The following CCNF variants were observed in gnomAD, a reference collection of about 807,000 sequenced individuals.
CCNF encodes cyclin-F.
CCNF carries 30 observed loss-of-function variants against 85.4 expected under a neutral mutation model. The observed-to-expected ratio is 0.35, with a 90% CI of 0.26 to 0.48. CCNF has a LOEUF of 0.48. CCNF is among the 20% of genes least tolerant of loss of function. CCNF has a pLI of 0.99. For synonymous variants in CCNF, 439 were observed against 425.1 expected, an observed-to-expected ratio of 1.03 and a Z score of -0.40; for missense variants, 919 against 1,010.4, an observed-to-expected ratio of 0.91 and a Z score of 1.23.
At chr16:2,435,583 TCA>T (rs1250864458) in intron 3 of CCNF, among the ~76,000 whole-genome samples, 3 of 77,166 alleles carry the variant, frequency 3.9e-5, no homozygotes, top group African/African-American at 8.3e-5. Flanking sequence ...AGACCCTGTC[TCA>T]GAGAGAGAGA....
intron 1 of CCNF, among the ~76,000 whole-genome samples, chr16:2,430,410 C>T (rs2065256634): frequency 6.6e-6 from 1 of 152,110 alleles, no homozygotes; most frequent in Admixed American, 6.5e-5. Flanking sequence ...GGAGAGAGCA[C>T]ATCTGAGAAG....
rs371188956 is a variant in CCNF, at chr16:2,437,334, C to T, written c.540+12C>T. 1.1e-4 allele frequency: 165 copies of T among 1,564,752 alleles called. No homozygotes were observed. The highest frequency in any genetic ancestry group is 1.3e-4 in the Non-Finnish European group (148 of 1,154,884). On this transcript the variant is annotated intron_variant, in intron 5 of 16. Transcript: ENST00000397066. ...GCCAGCTGCAGAGGGTGAGTCTGGG[C>T]GAGGGGCAGCACCTGCGAGGCCACC... is the stretch of plus-strand genomic sequence containing the variant.
At position 2,451,738 on chromosome 16, in the gene CCNF, C is replaced by T. The variant is rs960631151; in HGVS notation, c.1488-1472C>T. On this transcript the variant is annotated intron_variant, in intron 13 of 16. Transcript: ENST00000397066. The surrounding 1 kb of genome is among the most constrained non-coding windows in gnomAD (Gnocchi z 4.3). ...GGGTGCTTTTCTCCAGCCAGCATTACGCTGACCCTCCCTCCCTCGGGGGCT... is the reference window on the plus strand; with the variant it reads ...GGGTGCTTTTCTCCAGCCAGCATTATGCTGACCCTCCCTCCCTCGGGGGCT... Among the ~76,000 whole-genome samples, 4 of 152,196 alleles carry T rather than the reference C, an allele frequency of 2.6e-5. No individual in the cohort carries two copies. The highest frequency in any genetic ancestry group is 4.1e-4 in the South Asian group (2 of 4,836).
intron 1 of CCNF, 150 bp downstream of exon 1, chr16:2,429,647 G>A (rs1042819840): frequency 4.6e-6 from 4 of 861,406 alleles, no homozygotes; most frequent in Non-Finnish European, 6.1e-6. Flanking sequence ...GTCGCGTCCC[G>A]CGCAGGGAGC....
intron 3 of CCNF, among the ~76,000 whole-genome samples, chr16:2,435,277 A>G (rs2065282993): frequency 6.6e-6 from 1 of 150,606 alleles, no homozygotes; most frequent in Non-Finnish European, 1.5e-5. Flanking sequence ...GAAAAGAAAA[A>G]AAAAAAGAAA....
intron 12 of CCNF, 88 bp downstream of exon 12, chr16:2,449,550 C>T (rs866525549): frequency 1.5e-6 from 2 of 1,333,390 alleles, no homozygotes; most frequent in Middle Eastern, 2.6e-4. Flanking sequence ...GTCCAGCATC[C>T]ATTTGTCCTG....
intron 7 of CCNF, 67 bp from the exon 8 acceptor site, chr16:2,439,682 T>C: frequency 2.2e-6 from 3 of 1,361,062 alleles, no homozygotes; most frequent in Non-Finnish European, 2.1e-6. Context: ...TCGGCCCTTC[T>C]GGGTCTTGGT....
chr16:2,450,520 A>G (rs912411430), intron 13 of CCNF, among the ~76,000 whole-genome samples: 4 of 151,986 alleles, frequency 2.6e-5, no homozygotes, highest in African/African-American at 9.7e-5. Flanking sequence ...AAAAAAAAAA[A>G]AAAAAGTTCC....
chr16:2,441,979 A>ATGTT (rs1555497473), intron 8 of CCNF, among the ~76,000 whole-genome samples: 18 of 97,764 alleles, frequency 1.8e-4, no homozygotes, highest in Non-Finnish European at 2.1e-5. Flanking sequence ...ATATATATAT[A>ATGTT]TATGTTTTTG....
chr16:2,448,125 T>C (rs1237071483), intron 10 of CCNF, among the ~76,000 whole-genome samples: 3 of 152,218 alleles, frequency 2.0e-5, no homozygotes, highest in Non-Finnish European at 4.4e-5. Context: ...GGCCACACAG[T>C]GCCGGGCACA....
chr16:2,453,619 A>T lies in CCNF; in HGVS notation c.1715+82A>T. ...CAGTTCCCTCAGCGCTTCCTCACAC[A>T]GAGAGGCCCCCAAGGCTTGTCAGGG... is the stretch of plus-strand genomic sequence containing the variant. On this transcript the variant is annotated intron_variant, in intron 15 of 16. Coordinates refer to ENST00000397066, the MANE Select transcript of CCNF (RefSeq NM_001761.3). The surrounding 1 kb of genome is among the most constrained non-coding windows in gnomAD (Gnocchi z 5.6). The T allele has an allele frequency of 6.4e-7, 1 of 1,557,446 alleles. No individual in the cohort carries two copies. The highest frequency in any genetic ancestry group is 8.8e-7 in the Non-Finnish European group (1 of 1,139,508).
At chr16:2,447,942 T>C (rs892900406) in intron 10 of CCNF, among the ~76,000 whole-genome samples, 6 of 152,190 alleles carry the variant, frequency 3.9e-5, no homozygotes, top group Non-Finnish European at 5.9e-5. Context: ...GTCAAGTGAA[T>C]GACGCATGCA....
chr16:2,443,158 A>G (rs59027174), intron 8 of CCNF, among the ~76,000 whole-genome samples: 100,959 of 133,164 alleles, frequency 0.76, 39,156 homozygotes, highest in African/African-American at 0.92. Context: ...TATAATATAT[A>G]TTATATATAA....
Position 2,456,669 on chromosome 16 carries a change from A to C in CCNF, c.2010A>C (p.Ala670=). 1 of 1,613,542 alleles carries C rather than the reference A, an allele frequency of 6.2e-7. No homozygotes were observed. Among genetic ancestry groups the C allele is most frequent in the Non-Finnish European group, 8.5e-7 (1 of 1,179,898 alleles). ...PEDKGPQDPQ[A]LALDTQIPAT... is the part of the protein sequence containing the mutation. ...ACAAGGGACCCCAGGACCCACAGGC[A>C]CTGGCGCTGGACACCCAGATCCCTG... is the stretch of plus-strand genomic sequence containing the variant. Residue 670 remains alanine, a synonymous_variant, in exon 17 of 17, where the codon GCA becomes GCC. Transcript: ENST00000397066. This position sits in a 1 kb window ranked among gnomAD's most constrained non-coding sequence, Gnocchi z 4.5.
chr16:2,437,419 G>T lies in CCNF; in HGVS notation c.540+97G>T, dbSNP rs28550541. On this transcript the variant is annotated intron_variant, in intron 5 of 16. Coordinates refer to ENST00000397066, the MANE Select transcript of CCNF (RefSeq NM_001761.3). ...TAGATCCTGGACCCTGGAAAGTCAG[G>T]AGCCTAAGGGAAGTGAAGATGCAGA... 612,243 of 887,394 alleles carry T rather than the reference G, an allele frequency of 0.69. 212,516 individuals carry two copies. The highest frequency in any genetic ancestry group is 0.85 in the East Asian group (30,481 of 35,972). The allele number at this position is 887,394 out of a possible 1,614,324, so 55.0% of individuals were successfully genotyped here.
rs964415719 is a variant in CCNF at position 2,451,240 on chromosome 16, G to A, written c.1487+1325G>A. On this transcript the variant is annotated intron_variant, in intron 13 of 16. Coordinates refer to ENST00000397066, the MANE Select transcript of CCNF (RefSeq NM_001761.3). This position sits in a 1 kb window ranked among gnomAD's most constrained non-coding sequence, Gnocchi z 4.3. ...CAGGCAGGCGCGCGGGGCAGGTGGC[G>A]CGGGCGGGGGCGACTCCCTTCAGGG... Among the ~76,000 whole-genome samples the A allele has an allele frequency of 3.9e-5, 6 of 152,342 alleles. No homozygotes were observed. Among genetic ancestry groups the A allele is most frequent in the Non-Finnish European group, 7.3e-5 (5 of 68,038 alleles).
At chr16:2,449,053 T>C in intron 11 of CCNF, 75 bp downstream of exon 11, 1 of 1,522,360 alleles carries the variant, frequency 6.6e-7, no homozygotes, top group Non-Finnish European at 9.1e-7. Context: ...CATTCAGCTT[T>C]CCTGCTGTGG....
rs2141835737 is a variant in CCNF, at chr16:2,458,810, C to T, written c.*1790C>T. The T allele has an allele frequency of 6.6e-6, 1 of 152,346 alleles. No individual in the cohort carries two copies. The highest frequency in any genetic ancestry group is 2.4e-5 in the African/African-American group (1 of 41,548). 9.4% of individuals were successfully genotyped at this position (152,346 alleles called of 1,614,324 possible). ...CTGTAAGGGGGGCAATGATACCTAC[C>T]TCACAGGGGTGTTGTGAGGATTAAA... On this transcript the variant is annotated 3_prime_UTR_variant, in exon 17 of 17. Coordinates refer to ENST00000397066, the MANE Select transcript of CCNF (RefSeq NM_001761.3).
At chr16:2,454,121 A>C (rs28642228) in intron 15 of CCNF, among the ~76,000 whole-genome samples, 150,633 of 152,278 alleles carry the variant, frequency 0.99, 74,511 homozygotes, top group East Asian at 1. Flanking sequence ...CATGTGCACC[A>C]GTAACCTTCC....
Sources: allele counts gnomAD v4.1 joint callset (sites outside exome capture counted in the v4.1 genomes callset), GRCh38; gene constraint gnomAD v4.1.1; non-coding constraint Gnocchi (gnomAD v3.1); transcripts MANE v1.5; gene names NCBI Gene and HGNC (gene_info 2026-07-23, HGNC 2026-07-21).